The following PPFIBP2 variants were observed in gnomAD, a reference collection of about 807,000 sequenced individuals.
PPFIBP2 encodes the protein liprin-beta-2.
In PPFIBP2, 118 loss-of-function variants were observed where a neutral mutation model predicts 118.3. The ratio of observed to expected loss-of-function variants is 1.00; its 90% CI spans 0.86 to 1.16. The LOEUF (loss-of-function observed/expected upper bound fraction) is 1.16, where lower values mean the gene tolerates loss of function less well. PPFIBP2 is among the 50% of genes most tolerant of loss of function. The pLI, the probability that PPFIBP2 is intolerant of heterozygous loss-of-function variation, is 0.00. For missense variants in PPFIBP2, 1,195 were observed against 1,073.1 expected, an observed-to-expected ratio of 1.11 and a Z score of -1.59; for synonymous variants, 414 against 397.4, an observed-to-expected ratio of 1.04 and a Z score of -0.50.
chr11:7,606,823 A>G (rs1199876862), intron 5 of PPFIBP2, among the ~76,000 whole-genome samples: 3 of 150,594 alleles, frequency 2.0e-5, no homozygotes, highest in Admixed American at 2.0e-4. Context: ...ATACATTATG[A>G]AACTTTAAAA....
chr11:7,566,509 C>T (rs758640462), intron 3 of PPFIBP2, among the ~76,000 whole-genome samples: 1 of 151,826 alleles, frequency 6.6e-6, no homozygotes, highest in African/African-American at 2.4e-5. Context: ...TGCAGAAGTG[C>T]GAGCCACACC....
intron 3 of PPFIBP2, among the ~76,000 whole-genome samples, chr11:7,567,794 T>A (rs1855171154): frequency 6.6e-6 from 1 of 152,242 alleles, no homozygotes; most frequent in Non-Finnish European, 1.5e-5. Flanking sequence ...AATTTTGGTC[T>A]GTGGCTCAGC....
chr11:7,517,847 G>A (rs575839399), intron 1 of PPFIBP2, among the ~76,000 whole-genome samples: 89 of 152,326 alleles, frequency 5.8e-4, no homozygotes, highest in Non-Finnish European at 1.1e-3. Flanking sequence ...AATGAGATCC[G>A]AGTAGGAGGT....
At chr11:7,519,288 G>A (rs190123294) in intron 1 of PPFIBP2, among the ~76,000 whole-genome samples, 13 of 152,230 alleles carry the variant, frequency 8.5e-5, no homozygotes, top group Non-Finnish European at 7.4e-5. Context: ...AGGTATGGTC[G>A]GGAGGAGAAA....
intron 5 of PPFIBP2, chr11:7,597,917 ATTCCCAGACAGCACT>A: frequency 2.3e-6 from 1 of 429,814 alleles, no homozygotes. Flanking sequence ...GGTTAGACAG[ATTCCCAGACAGCACT>A]TTCTCCAGAC....
At position 7,642,369 on chromosome 11, in the gene PPFIBP2, T is replaced by G. The variant is rs760055395; in HGVS notation, c.1589T>G (p.Leu530Arg). 1 of 1,614,068 alleles carries G rather than the reference T, an allele frequency of 6.2e-7. No individual in the cohort carries two copies. The change falls in exon 17 of 24, where the codon CTC becomes CGC. Residue 530 changes from leucine (L) to arginine (R), a missense_variant. Coordinates refer to ENST00000299492, the MANE Select transcript of PPFIBP2 (RefSeq NM_003621.5). ...LGMAEFRRGG[L>R]RATAGPRLSR... Reference sequence around the variant, plus strand: ...ATGGCAGAGTTTCGACGAGGTGGGCTCCGGGCAACCGCAGGGCCAAGACTC... The same window carrying G: ...ATGGCAGAGTTTCGACGAGGTGGGCGCCGGGCAACCGCAGGGCCAAGACTC...
intron 1 of PPFIBP2, among the ~76,000 whole-genome samples, chr11:7,521,371 G>T (rs183178065): frequency 1.2e-3 from 183 of 152,260 alleles, no homozygotes; most frequent in Non-Finnish European, 2.0e-3. Context: ...ACAGTGGTGG[G>T]CCCTACTTTA....
the PPFIBP2 span, chr11:7,665,661 G>A: frequency 1.6e-6 from 2 of 1,255,070 alleles, no homozygotes; most frequent in Non-Finnish European, 2.2e-6. Context: ...GCTCTACAAA[G>A]GCTTAGAAGT....
intron 17 of PPFIBP2, among the ~76,000 whole-genome samples, chr11:7,642,638 C>T (rs572736132): frequency 3.9e-5 from 6 of 152,306 alleles, no homozygotes; most frequent in African/African-American, 1.4e-4. Flanking sequence ...TCCTGGAGGT[C>T]TTCCACAGGA....
At chr11:7,539,014 A>G (rs1284780691) in intron 1 of PPFIBP2, among the ~76,000 whole-genome samples, 1 of 152,230 alleles carries the variant, frequency 6.6e-6, no homozygotes, top group Non-Finnish European at 1.5e-5. Flanking sequence ...TACTGATACT[A>G]TGATTAGATG....
the PPFIBP2 span, chr11:7,666,963 G>C: frequency 6.3e-6 from 1 of 159,544 alleles, no homozygotes; most frequent in African/African-American, 2.4e-5. Context: ...AATGGGCTCA[G>C]AAAGTCCTGT....
chr11:7,641,526 T>C lies in PPFIBP2; in HGVS notation c.1423T>C (p.Ser475Pro). The C allele has an allele frequency of 6.2e-7, 1 of 1,613,752 alleles. No homozygotes were observed. Among genetic ancestry groups the C allele is most frequent in the Non-Finnish European group, 8.5e-7 (1 of 1,179,602 alleles). The change falls in exon 16 of 24, where the codon TCA becomes CCA. Residue 475 changes from serine (S) to proline (P), a missense_variant. By Grantham distance (74) the Ser-to-Pro change is moderately conservative. Coordinates refer to ENST00000299492, the MANE Select transcript of PPFIBP2 (RefSeq NM_003621.5). The stretch of plus-strand genomic sequence containing the variant: ...CGACACTGCTGTGGTCAATGACCTC[T>C]CATCCACATCATCGGGCACTGAATC... ...WDDTAVVNDL[S>P]STSSGTESGP...
At chr11:7,545,243 A>G (rs1168613414) in intron 1 of PPFIBP2, among the ~76,000 whole-genome samples, 1 of 152,186 alleles carries the variant, frequency 6.6e-6, no homozygotes, top group Non-Finnish European at 1.5e-5. Flanking sequence ...AGCCTGGCCA[A>G]CATGGTGAAA....
chr11:7,657,566 C>T (rs117798349), downstream of PPFIBP2, among the ~76,000 whole-genome samples: 480 of 152,258 alleles, frequency 3.2e-3, 15 homozygotes, highest in East Asian at 0.073. Flanking sequence ...CCTTGAGCAC[C>T]TCAAGCTCCG....
At chr11:7,651,560 G>C in intron 22 of PPFIBP2, 96 bp from the exon 23 acceptor site, 1 of 1,139,882 alleles carries the variant, frequency 8.8e-7, no homozygotes, top group South Asian at 1.5e-5. Context: ...CTCCTCTGGA[G>C]GCACCCCCAG....
chr11:7,657,442 T>G (rs148894967), downstream of PPFIBP2, among the ~76,000 whole-genome samples: 6 of 152,116 alleles, frequency 3.9e-5, no homozygotes, highest in African/African-American at 1.4e-4. Context: ...CCCCAACACG[T>G]GCACACCCTG....
intron 10 of PPFIBP2, among the ~76,000 whole-genome samples, chr11:7,629,969 G>C (rs1850538521): frequency 6.6e-6 from 1 of 152,218 alleles, no homozygotes; most frequent in Non-Finnish European, 1.5e-5. Context: ...CCTTCCTCGA[G>C]TTGCTGGGCC....
At chr11:7,534,145 G>A (rs1850993210) in intron 1 of PPFIBP2, among the ~76,000 whole-genome samples, 1 of 152,208 alleles carries the variant, frequency 6.6e-6, no homozygotes, top group African/African-American at 2.4e-5. Flanking sequence ...AGCACCAAAT[G>A]AGTCATCAGG....
At chr11:7,530,549 A>G (rs1347481711) in intron 1 of PPFIBP2, among the ~76,000 whole-genome samples, 5 of 152,220 alleles carry the variant, frequency 3.3e-5, no homozygotes, top group Non-Finnish European at 7.3e-5. Context: ...ATGTGAGGAC[A>G]TAGCTGGAAG....
Sources: allele counts gnomAD v4.1 joint callset (sites outside exome capture counted in the v4.1 genomes callset), GRCh38; gene constraint gnomAD v4.1.1; transcripts MANE v1.5; gene names NCBI Gene and HGNC (gene_info 2026-07-23, HGNC 2026-07-21).